STPG2: variants seen among roughly 807,000 people sequenced by gnomAD.
STPG2 encodes sperm-tail PG-rich repeat-containing protein 2.
A neutral mutation model predicts 54.2 loss-of-function variants in STPG2; 56 were observed. That is an observed-to-expected ratio of 1.03 (90% CI 0.83 to 1.29). STPG2 has a LOEUF of 1.29. Among genes scored for constraint, STPG2 ranks in the 50% most tolerant of loss-of-function variants. The probability of loss-of-function intolerance (pLI) is 0.00; values close to 1 mark genes in which losing one functional copy is unlikely to be tolerated. For missense variants in STPG2, 596 were observed against 544.9 expected (o/e 1.09, Z -0.93); for synonymous variants, 200 against 181.8 (o/e 1.10, Z -0.81).
chr4:97,712,488 A>G (rs1167827563), intron 10 of STPG2, among the ~76,000 whole-genome samples: 1 of 152,138 alleles, frequency 6.6e-6, no homozygotes, highest in African/African-American at 2.4e-5. Context: ...ATATTTAGAG[A>G]TAGAAAAGTT....
At chr4:97,530,389 T>C (rs1731388182) in intron 4 of STPG2, among the ~76,000 whole-genome samples, 1 of 152,198 alleles carries the variant, frequency 6.6e-6, no homozygotes, top group Admixed American at 6.5e-5. Flanking sequence ...AATGAATATG[T>C]TTTATATCAC....
intron 5 of STPG2, among the ~76,000 whole-genome samples, chr4:98,065,701 C>A (rs1737812653): frequency 6.6e-6 from 1 of 152,098 alleles, no homozygotes; most frequent in Non-Finnish European, 1.5e-5. Context: ...AAGGAAAAAT[C>A]CAATCTATGA....
chr4:97,675,854 T>C (rs984217781), intron 10 of STPG2, among the ~76,000 whole-genome samples: 3 of 149,978 alleles, frequency 2.0e-5, no homozygotes, highest in Non-Finnish European at 4.4e-5. Flanking sequence ...AGTAATAACA[T>C]TGAAATACAG....
intron 7 of STPG2, among the ~76,000 whole-genome samples, chr4:97,959,433 A>G (rs1228701981): frequency 6.6e-6 from 1 of 152,016 alleles, no homozygotes; most frequent in Admixed American, 6.6e-5. Flanking sequence ...GAAAAAAGAT[A>G]AATAAAATTG....
chr4:97,940,865 C>T (rs1246904091), intron 8 of STPG2, among the ~76,000 whole-genome samples: 1 of 130,182 alleles, frequency 7.7e-6, no homozygotes, highest in African/African-American at 2.9e-5. Flanking sequence ...AAAATGACTT[C>T]TTCATTAATT....
At chr4:97,493,905 A>C (rs768062658) in intron 4 of STPG2, among the ~76,000 whole-genome samples, 1 of 151,620 alleles carries the variant, frequency 6.6e-6, no homozygotes, top group African/African-American at 2.4e-5. Context: ...AGGAATAAAT[A>C]TCAAATCAAA....
At chr4:97,709,877 T>A (rs1724059396) in intron 10 of STPG2, among the ~76,000 whole-genome samples, 1 of 151,860 alleles carries the variant, frequency 6.6e-6, no homozygotes, top group Non-Finnish European at 1.5e-5. Flanking sequence ...TGAGGAAAAA[T>A]TTATGTCTAG....
chr4:98,062,686 C>T lies in STPG2; in HGVS notation c.612+43267G>A, dbSNP rs11940561. On this transcript the variant is annotated intron_variant, in intron 5 of 10. Transcript: ENST00000295268. ...ATAAGATTAAATTATTAGATTGGTGCAAAAGCAATTGCAGTTTTTGCCGTT... is the reference window on the plus strand; with the variant it reads ...ATAAGATTAAATTATTAGATTGGTGTAAAAGCAATTGCAGTTTTTGCCGTT... 9.5e-3 allele frequency among the ~76,000 whole-genome samples: 1,451 copies of T among 151,966 alleles called. 22 individuals carry two copies. The highest frequency in any genetic ancestry group is 0.032 in the African/African-American group (1,317 of 41,478).
intron 10 of STPG2, among the ~76,000 whole-genome samples, chr4:97,692,479 C>G (rs1723403131): frequency 6.6e-6 from 1 of 152,000 alleles, no homozygotes; most frequent in South Asian, 2.1e-4. Flanking sequence ...CAAATTAACC[C>G]AATCTGAAAA....
At chr4:97,846,623 CAAAAAAAA>C (rs540016952) in intron 8 of STPG2, among the ~76,000 whole-genome samples, 2 of 68,352 alleles carry the variant, frequency 2.9e-5, no homozygotes, top group South Asian at 5.6e-4. Context: ...GACTCCACCT[CAAAAAAAA>C]AAAAAAAAAA....
intron 4 of STPG2, among the ~76,000 whole-genome samples, chr4:97,537,144 A>G (rs1211011288): frequency 1.3e-5 from 2 of 152,162 alleles, no homozygotes; most frequent in African/African-American, 4.8e-5. Flanking sequence ...TGATTTCTGT[A>G]TTTCCAACTG....
chr4:97,608,144 C>G (rs1408514484), intron 10 of STPG2, among the ~76,000 whole-genome samples: 1 of 151,890 alleles, frequency 6.6e-6, no homozygotes, highest in South Asian at 2.1e-4. Flanking sequence ...CAAGTGCAGT[C>G]GAGTCAGTTT....
chr4:97,947,539 G>T (rs2149236375), intron 7 of STPG2, among the ~76,000 whole-genome samples: 1 of 151,898 alleles, frequency 6.6e-6, no homozygotes, highest in African/African-American at 2.4e-5. Context: ...GTTGGCTGTG[G>T]GTTTGTCATA....
At chr4:97,969,490 A>C (rs1578742781) in intron 7 of STPG2, among the ~76,000 whole-genome samples, 2 of 152,258 alleles carry the variant, frequency 1.3e-5, no homozygotes, top group East Asian at 3.9e-4. Context: ...ACCAAAAGGC[A>C]GTGACCCCCC....
chr4:97,580,067 A>G (rs1314059291), intron 10 of STPG2, among the ~76,000 whole-genome samples: 1 of 151,986 alleles, frequency 6.6e-6, no homozygotes, highest in Non-Finnish European at 1.5e-5. Flanking sequence ...TTCAGTGGGT[A>G]TTTAATGCAC....
chr4:97,447,296 C>T (rs970478556), intron 4 of STPG2, among the ~76,000 whole-genome samples: 4 of 152,106 alleles, frequency 2.6e-5, no homozygotes, highest in African/African-American at 7.2e-5. Flanking sequence ...GCAGCCTTAC[C>T]ATGTAGTAGA....
intron 5 of STPG2, among the ~76,000 whole-genome samples, chr4:98,018,862 G>C (rs28810783): frequency 1.3e-5 from 2 of 150,912 alleles, no homozygotes; most frequent in African/African-American, 4.9e-5. Context: ...TTTTGATGGG[G>C]TTGTTTGTTT....
At chr4:98,107,189 C>T (rs1254849324) in intron 4 of STPG2, among the ~76,000 whole-genome samples, 1 of 151,778 alleles carries the variant, frequency 6.6e-6, no homozygotes, top group Non-Finnish European at 1.5e-5. Context: ...GTATCTTTAC[C>T]AAAAAGAGAC....
At chr4:97,886,844 G>A (rs1246913079) in intron 8 of STPG2, among the ~76,000 whole-genome samples, 28 of 152,126 alleles carry the variant, frequency 1.8e-4, no homozygotes, top group Admixed American at 1.8e-3. Context: ...GCTCGTGAAC[G>A]CTTTAGCGCC....
Sources: allele counts gnomAD v4.1 joint callset (sites outside exome capture counted in the v4.1 genomes callset), GRCh38; gene constraint gnomAD v4.1.1; transcripts MANE v1.5; gene names NCBI Gene and HGNC (gene_info 2026-07-23, HGNC 2026-07-21).